YIF1B: variants seen among roughly 807,000 people sequenced by gnomAD.
YIF1B encodes protein YIF1B.
YIF1B carries 24 observed loss-of-function variants against 34.6 expected under a neutral mutation model. The ratio of observed to expected loss-of-function variants is 0.69; its 90% CI spans 0.50 to 0.98. The LOEUF is 0.98. YIF1B is among the 50% of genes least tolerant of loss of function. YIF1B has a pLI of 0.00. For missense variants in YIF1B, 368 were observed against 429.4 expected, an observed-to-expected ratio of 0.86 and a Z score of 1.26; for synonymous variants, 186 against 184.8, an observed-to-expected ratio of 1.01 and a Z score of -0.05.
chr19:38,313,055 A>G (rs757032173), intron 1 of YIF1B, among the ~76,000 whole-genome samples: 13 of 147,332 alleles, frequency 8.8e-5, no homozygotes, highest in Non-Finnish European at 1.8e-4. Context: ...GGGTTCAAGC[A>G]GTTCTCCTGC....
Position 38,309,333 on chromosome 19 carries a change from G to C in YIF1B, c.298-5C>G. The C allele has an allele frequency of 6.2e-7, 1 of 1,614,004 alleles. No individual in the cohort carries two copies. The highest frequency in any genetic ancestry group is 8.5e-7 in the Non-Finnish European group (1 of 1,179,934). ...GATGGGGATGAAGCGGTCGATCTGGGGAGGCAGAGCTCAAGTCTGAAGCCC... is the reference window on the plus strand; with the variant it reads ...GATGGGGATGAAGCGGTCGATCTGGCGAGGCAGAGCTCAAGTCTGAAGCCC... On this transcript the variant is annotated splice_region_variant and splice_polypyrimidine_tract_variant and intron_variant, in intron 2 of 7. Coordinates refer to ENST00000339413, the MANE Select transcript of YIF1B (RefSeq NM_001039672.3).
chr19:38,316,026 C>T (rs931634190), upstream of YIF1B: 275 of 1,330,430 alleles, frequency 2.1e-4, no homozygotes, highest in East Asian at 8.3e-3. Flanking sequence ...TGAGGGAAGG[C>T]CTCGCCCCCA....
chr19:38,305,327 G>C lies in YIF1B; in HGVS notation c.*25C>G. On this transcript the variant is annotated 3_prime_UTR_variant, in exon 8 of 8. Transcript: ENST00000339413. Reference sequence around the variant, plus strand: ...ACAGTGGCCCCCAGCAGCAGCAGCAGCAGCGGGAGGTTCAGCGGGCGCGCT... The same window carrying C: ...ACAGTGGCCCCCAGCAGCAGCAGCACCAGCGGGAGGTTCAGCGGGCGCGCT... The C allele has an allele frequency of 6.3e-7, 1 of 1,591,778 alleles. No homozygotes were observed. Among genetic ancestry groups the C allele is most frequent in the South Asian group, 1.1e-5 (1 of 89,876 alleles).
In YIF1B at chr19:38,304,509, G is replaced by A. The variant is rs1299006527; in HGVS notation, c.*843C>T. 6.4e-7 allele frequency: 1 copy of A among 1,562,608 alleles called. No individual in the cohort carries two copies. The highest frequency in any genetic ancestry group is 8.7e-7 in the Non-Finnish European group (1 of 1,153,680). ...TCCAAAGGTAAGTCGCCTCATCACC[G>A]GCTGCGGAGGGGCGGGAAGGCTGGG... On this transcript the variant is annotated 3_prime_UTR_variant, in exon 8 of 8. Transcript: ENST00000339413.
upstream of YIF1B, among the ~76,000 whole-genome samples, chr19:38,317,733 C>T (rs779382377): frequency 6.6e-6 from 1 of 151,910 alleles, no homozygotes; most frequent in Non-Finnish European, 1.5e-5. Context: ...CGTGTGCCAT[C>T]GCACCTGGCT....
chr19:38,315,701 C>T (rs189665578), intron 1 of YIF1B, 159 bp downstream of exon 1: 3 of 1,607,512 alleles, frequency 1.9e-6, no homozygotes, highest in African/African-American at 1.3e-5. Context: ...GAATCGCCCC[C>T]CAAGGGGCCT....
chr19:38,304,383 C>G lies in YIF1B; in HGVS notation c.*969G>C, dbSNP rs1036310233. ...CCAACTTCTCTCCACAGCCCTGGAG[C>G]CCACCTCCCAGAAGCCCGGTGTGGG... On this transcript the variant is annotated 3_prime_UTR_variant, in exon 8 of 8. Transcript: ENST00000339413. The G allele has an allele frequency of 6.3e-7, 1 of 1,582,720 alleles. No individual in the cohort carries two copies. Among genetic ancestry groups the G allele is most frequent in the South Asian group, 1.1e-5 (1 of 87,056 alleles).
intron 1 of YIF1B, chr19:38,315,543 G>A: frequency 6.9e-7 from 1 of 1,459,432 alleles, no homozygotes. Context: ...AAGGGTGTGG[G>A]CGACAGCAGG....
Position 38,304,406 on chromosome 19 carries a change from G to C in YIF1B, c.*946C>G, listed in dbSNP as rs780165916. On this transcript the variant is annotated 3_prime_UTR_variant, in exon 8 of 8. Transcript: ENST00000339413. ...AGCCCACCTCCCAGAAGCCCGGTGTGGGGGCGGGCCACGGGGGAGATCCCA... is the reference window on the plus strand; with the variant it reads ...AGCCCACCTCCCAGAAGCCCGGTGTCGGGGCGGGCCACGGGGGAGATCCCA... The C allele has an allele frequency of 2.5e-6, 4 of 1,570,224 alleles. No homozygotes were observed. The highest frequency in any genetic ancestry group is 1.7e-6 in the Non-Finnish European group (2 of 1,158,400).
chr19:38,320,099 G>A (rs557940021), upstream of YIF1B: 78 of 1,558,310 alleles, frequency 5.0e-5, no homozygotes, highest in Admixed American at 1.9e-4. Flanking sequence ...CTGCTTCAGC[G>A]CAGCCCGTGT....
rs764199878 is a variant in YIF1B at position 38,304,961 on chromosome 19, C to G, written c.*391G>C. 22 of 1,539,644 alleles carry G rather than the reference C, an allele frequency of 1.4e-5. No homozygotes were observed. The highest frequency in any genetic ancestry group is 1.9e-5 in the Non-Finnish European group (22 of 1,142,534). The stretch of plus-strand genomic sequence containing the variant: ...AGGGCAAGAAGAAGGAGGCTCCCCA[C>G]TGAAGGGCCCTGGACAGGGCTCATT... On this transcript the variant is annotated 3_prime_UTR_variant, in exon 8 of 8. Coordinates refer to ENST00000339413, the MANE Select transcript of YIF1B (RefSeq NM_001039672.3).
In YIF1B at chr19:38,305,318, G is replaced by T. The variant is rs77829560; in HGVS notation, c.*34C>A. 3.9e-5 allele frequency: 62 copies of T among 1,585,156 alleles called. No homozygotes were observed. The East Asian group carries it at 1.2e-3, about 30-fold the overall frequency. On this transcript the variant is annotated 3_prime_UTR_variant, in exon 8 of 8. Transcript: ENST00000339413. ...TCGGCGGCCACAGTGGCCCCCAGCA[G>T]CAGCAGCAGCAGCGGGAGGTTCAGC... is the stretch of plus-strand genomic sequence containing the variant.
Position 38,304,041 on chromosome 19 carries a change from C to T in YIF1B, c.*1311G>A. 1.6e-6 allele frequency: 1 copy of T among 624,124 alleles called. No homozygotes were observed. Among genetic ancestry groups the T allele is most frequent in the Non-Finnish European group, 2.8e-6 (1 of 361,092 alleles). The allele number at this position is 624,124 out of a possible 1,614,324, so 38.7% of individuals were successfully genotyped here. On this transcript the variant is annotated 3_prime_UTR_variant, in exon 8 of 8. Coordinates refer to ENST00000339413, the MANE Select transcript of YIF1B (RefSeq NM_001039672.3). ...CCCTCAGTCGGCCTCCCCTGAGGCA[C>T]CAAGGCTGGCGGAAGCAGTCACCTG... is the stretch of plus-strand genomic sequence containing the variant.
chr19:38,309,968 C>CCATT (rs1414940102), intron 1 of YIF1B: 176 of 252,970 alleles, frequency 7.0e-4, no homozygotes, highest in Non-Finnish European at 7.2e-4. Flanking sequence ...ATCCATCCAT[C>CCATT]CATCCATTCA....
At chr19:38,315,719 GAAC>G in intron 1 of YIF1B, 138 bp downstream of exon 1, 7 of 1,609,470 alleles carry the variant, frequency 4.3e-6, no homozygotes, top group Non-Finnish European at 5.9e-6. Context: ...CCTCCTACCC[GAAC>G]CTGGCATCCC....
rs112324021 is a variant in YIF1B, at chr19:38,305,295, G to C, written c.*57C>G. 3.8e-5 allele frequency: 59 copies of C among 1,567,930 alleles called. No homozygotes were observed. Among genetic ancestry groups the C allele is most frequent in the Non-Finnish European group, 4.8e-5 (56 of 1,156,014 alleles). On this transcript the variant is annotated 3_prime_UTR_variant, in exon 8 of 8. Transcript: ENST00000339413. Reference sequence around the variant, plus strand: ...GGGCCTGCAGGCAGGAGATGAGTTCGGCGGCCACAGTGGCCCCCAGCAGCA... The same window carrying C: ...GGGCCTGCAGGCAGGAGATGAGTTCCGCGGCCACAGTGGCCCCCAGCAGCA...
intron 1 of YIF1B, among the ~76,000 whole-genome samples, chr19:38,311,827 A>G (rs1000039999): frequency 8.5e-5 from 13 of 152,134 alleles, no homozygotes; most frequent in African/African-American, 2.7e-4. Context: ...GGCCAGGCGC[A>G]GTGGCTTACG....
chr19:38,305,373 G>A lies in YIF1B; in HGVS notation c.924C>T (p.Leu308=), dbSNP rs1222819664. The change falls in exon 8 of 8, where the codon CTC becomes CTT. Residue 308 remains leucine, a synonymous_variant. Coordinates refer to ENST00000339413, the MANE Select transcript of YIF1B (RefSeq NM_001039672.3). ...AAAQPMLMYW[L]TFHLVR is the part of the protein sequence containing the mutation. ...GCGCTCACCGCACCAGGTGGAAGGTGAGCCAGTACATGAGCATAGGCTGCG... is the reference window on the plus strand; with the variant it reads ...GCGCTCACCGCACCAGGTGGAAGGTAAGCCAGTACATGAGCATAGGCTGCG... 6.2e-7 allele frequency: 1 copy of A among 1,604,656 alleles called. No homozygotes were observed. The highest frequency in any genetic ancestry group is 8.5e-7 in the Non-Finnish European group (1 of 1,173,700).
In YIF1B at chr19:38,309,028, G is replaced by C. The variant is rs914640456; in HGVS notation, c.432C>G (p.Thr144=). ...QDWEVQYQQD[T]PVAPRFDVNA... is the part of the protein sequence containing the mutation. ...TGACGTCAAAGCGGGGGGCCACCGG[G>C]GTGTCCTGTTGGTACTGCACTTCCC... The change falls in exon 4 of 8, where the codon ACC becomes ACG. Residue 144 remains threonine, a synonymous_variant. Transcript: ENST00000339413. The C allele has an allele frequency of 3.8e-6, 6 of 1,561,852 alleles. No individual in the cohort carries two copies. Among genetic ancestry groups the C allele is most frequent in the Non-Finnish European group, 5.2e-6 (6 of 1,152,308 alleles).
Sources: gnomAD v4.1 joint callset for allele counts (sites outside exome capture counted in the v4.1 genomes callset) on GRCh38, gnomAD v4.1.1 for gene constraint, MANE v1.5 for transcripts, NCBI Gene and HGNC (gene_info 2026-07-23, HGNC 2026-07-21) for gene names.